APBA1: variants seen among roughly 807,000 people sequenced by gnomAD.
APBA1 encodes the protein amyloid-beta A4 precursor protein-binding family A member 1.
APBA1 carries 55 observed loss-of-function variants against 86.6 expected under a neutral mutation model. The ratio of observed to expected loss-of-function variants is 0.64; its 90% CI spans 0.51 to 0.80. APBA1 has a LOEUF of 0.80. Among genes scored for constraint, APBA1 ranks in the 30% least tolerant of loss-of-function variants. The pLI, the probability that APBA1 is intolerant of heterozygous loss-of-function variation, is 0.00. For synonymous variants in APBA1, 511 were observed against 493.9 expected (o/e 1.03, Z -0.46); for missense variants, 1,090 against 1,183.0 (o/e 0.92, Z 1.15).
chr9:69,440,057 C>T (rs528464687), intron 11 of APBA1, among the ~76,000 whole-genome samples: 117 of 152,302 alleles, frequency 7.7e-4, no homozygotes, highest in African/African-American at 2.7e-3. Context: ...ACTCCAGACC[C>T]TGTTTGCCTG....
intron 1 of APBA1, among the ~76,000 whole-genome samples, chr9:69,651,846 C>T (rs1422058665): frequency 2.0e-5 from 3 of 152,192 alleles, no homozygotes; most frequent in Admixed American, 6.5e-5. Context: ...TGGCAGAGTG[C>T]TCCACCCACA....
chr9:69,475,442 C>T (rs1835427606), intron 3 of APBA1, among the ~76,000 whole-genome samples: 1 of 152,142 alleles, frequency 6.6e-6, no homozygotes, highest in South Asian at 2.1e-4. Context: ...ATTTCCAGCA[C>T]CGTGGAAAGT....
At chr9:69,511,136 A>G (rs1395422535) in intron 2 of APBA1, among the ~76,000 whole-genome samples, 1 of 152,078 alleles carries the variant, frequency 6.6e-6, no homozygotes, top group African/African-American at 2.4e-5. Flanking sequence ...TGAACAGGCA[A>G]CCTACAAAAT....
chr9:69,662,980 A>G (rs1823780740), intron 1 of APBA1, among the ~76,000 whole-genome samples: 2 of 152,224 alleles, frequency 1.3e-5, no homozygotes, highest in Admixed American at 1.3e-4. Flanking sequence ...TGTCCATACC[A>G]CCAAATATCC....
At chr9:69,616,154 A>T (rs6559653) in intron 1 of APBA1, among the ~76,000 whole-genome samples, 148,219 of 152,310 alleles carry the variant, frequency 0.97, 72,254 homozygotes, top group East Asian at 1. Flanking sequence ...TGTAGCAACA[A>T]CCCTAAGGCA....
At chr9:69,490,047 T>A (rs1245354977) in intron 2 of APBA1, among the ~76,000 whole-genome samples, 3 of 152,130 alleles carry the variant, frequency 2.0e-5, no homozygotes, top group Non-Finnish European at 4.4e-5. Flanking sequence ...GCAGCACTAT[T>A]CACAATAGCA....
intron 1 of APBA1, among the ~76,000 whole-genome samples, chr9:69,604,970 G>T (rs1323954719): frequency 6.6e-6 from 1 of 152,226 alleles, no homozygotes; most frequent in East Asian, 1.9e-4. Flanking sequence ...GAAGGAAGAG[G>T]TTGGAATAAT....
At chr9:69,499,553 C>G (rs981044512) in intron 2 of APBA1, among the ~76,000 whole-genome samples, 4 of 151,942 alleles carry the variant, frequency 2.6e-5, no homozygotes, top group Non-Finnish European at 5.9e-5. Context: ...TTTTCGCTCG[C>G]CCTTGTAAGC....
intron 1 of APBA1, among the ~76,000 whole-genome samples, chr9:69,579,703 T>A (rs1202982056): frequency 1.3e-5 from 2 of 152,194 alleles, no homozygotes; most frequent in Non-Finnish European, 2.9e-5. Flanking sequence ...CACAAAGTGG[T>A]AGGTCACAAT....
At chr9:69,562,222 C>A (rs1836957355) in intron 1 of APBA1, among the ~76,000 whole-genome samples, 1 of 152,098 alleles carries the variant, frequency 6.6e-6, no homozygotes, top group Non-Finnish European at 1.5e-5. Flanking sequence ...TATTATGTGT[C>A]AGTTATAATC....
chr9:69,547,236 A>G (rs1221055835), intron 1 of APBA1, among the ~76,000 whole-genome samples: 2 of 152,162 alleles, frequency 1.3e-5, no homozygotes, highest in African/African-American at 4.8e-5. Flanking sequence ...GAGTTTTACA[A>G]TACTGTTACG....
At chr9:69,609,515 T>C (rs1332983235) in intron 1 of APBA1, among the ~76,000 whole-genome samples, 3 of 152,224 alleles carry the variant, frequency 2.0e-5, no homozygotes, top group African/African-American at 7.2e-5. Flanking sequence ...TTTACCTCCA[T>C]GAATATGCAC....
chr9:69,469,710 T>C (rs754191978), intron 4 of APBA1, among the ~76,000 whole-genome samples: 7 of 152,186 alleles, frequency 4.6e-5, no homozygotes, highest in Non-Finnish European at 8.8e-5. Context: ...CAGGGAAGCA[T>C]ACAAAATAAT....
chr9:69,593,781 C>A (rs1444100107), intron 1 of APBA1, among the ~76,000 whole-genome samples: 1 of 152,166 alleles, frequency 6.6e-6, no homozygotes, highest in Non-Finnish European at 1.5e-5. Context: ...TAAAATTAAG[C>A]AAATACACAA....
At chr9:69,517,763 G>A (rs115480970) in intron 1 of APBA1, among the ~76,000 whole-genome samples, 1,589 of 152,326 alleles carry the variant, frequency 0.01, 36 homozygotes, top group African/African-American at 0.036. Context: ...TCAGCCAGCA[G>A]TGGGGTCCCG....
chr9:69,603,176 T>A (rs1822389492), intron 1 of APBA1, among the ~76,000 whole-genome samples: 1 of 152,166 alleles, frequency 6.6e-6, no homozygotes, highest in Non-Finnish European at 1.5e-5. Flanking sequence ...CAAACCACCA[T>A]CTGAGCCCAA....
At chr9:69,448,587 C>G (rs1834950833) in intron 10 of APBA1, among the ~76,000 whole-genome samples, 1 of 152,088 alleles carries the variant, frequency 6.6e-6, no homozygotes, top group Non-Finnish European at 1.5e-5. Flanking sequence ...CACCTCCCAC[C>G]CCCACCCCCT....
intron 1 of APBA1, among the ~76,000 whole-genome samples, chr9:69,645,389 A>G (rs987326975): frequency 1.3e-5 from 2 of 152,210 alleles, no homozygotes; most frequent in African/African-American, 4.8e-5. Flanking sequence ...TCTCATAACA[A>G]CATGACACAA....
At position 69,430,539 on chromosome 9, in the gene APBA1, C is replaced by CTG. The variant is rs76774175; in HGVS notation, c.*786_*787dup. On this transcript the variant is annotated 3_prime_UTR_variant, in exon 13 of 13. Transcript: ENST00000265381. ...AGGGAAGGGTGATATGCAAATGGGA[C>CTG]TGTGTGTGTGTGTGTGTGTGTGAGA... 0.089 allele frequency: 13,323 copies of CTG among 149,494 alleles called. 633 individuals carry two copies. Among genetic ancestry groups the CTG allele is most frequent in the Non-Finnish European group, 0.11 (7,409 of 67,432 alleles). The allele number at this position is 149,494 out of a possible 1,614,324, so 9.3% of individuals were successfully genotyped here.
Sources: gnomAD v4.1 joint callset for allele counts (sites outside exome capture counted in the v4.1 genomes callset) on GRCh38, gnomAD v4.1.1 for gene constraint, MANE v1.5 for transcripts, NCBI Gene and HGNC (gene_info 2026-07-23, HGNC 2026-07-21) for gene names.